The following RADIL variants were observed in gnomAD, a reference collection of about 807,000 sequenced individuals.
RADIL encodes the protein ras-associating and dilute domain-containing protein.
RADIL carries 99 observed loss-of-function variants against 97.6 expected under a neutral mutation model. That is an observed-to-expected ratio of 1.01 (90% CI 0.86 to 1.20). The LOEUF is 1.20. Among genes scored for constraint, RADIL ranks in the 50% most tolerant of loss-of-function variants. The probability of loss-of-function intolerance (pLI) is 0.00; values close to 1 mark genes in which losing one functional copy is unlikely to be tolerated. For synonymous variants in RADIL, 803 were observed against 691.8 expected, an observed-to-expected ratio of 1.16 and a Z score of -2.52; for missense variants, 1,765 against 1,498.9, an observed-to-expected ratio of 1.18 and a Z score of -2.93.
chr7:4,868,584 G>A (rs117427609), intron 2 of RADIL, among the ~76,000 whole-genome samples: 248 of 152,300 alleles, frequency 1.6e-3, no homozygotes, highest in South Asian at 3.7e-3. Flanking sequence ...CCTTCCTCCA[G>A]CTGCAAACTT....
intron 9 of RADIL, among the ~76,000 whole-genome samples, chr7:4,807,145 C>T (rs151298682): frequency 1.1e-4 from 17 of 152,196 alleles, no homozygotes; most frequent in African/African-American, 3.9e-4. Flanking sequence ...TTTGCCTCCT[C>T]GCTCTGTTTC....
In RADIL at chr7:4,813,999, C is replaced by G. The variant is rs1444092928; in HGVS notation, c.2139+1279G>C. On this transcript the variant is annotated intron_variant, in intron 9 of 14. Coordinates refer to ENST00000399583, the MANE Select transcript of RADIL (RefSeq NM_018059.5). The surrounding 1 kb of genome is among the most constrained non-coding windows in gnomAD (Gnocchi z 5.0). ...CTCGCTGTGTTGCCCAGGCTGGTCTCAAACCAATGGCCTCAAGTGATCCTC... is the reference window on the plus strand; with the variant it reads ...CTCGCTGTGTTGCCCAGGCTGGTCTGAAACCAATGGCCTCAAGTGATCCTC... Among the ~76,000 whole-genome samples the G allele has an allele frequency of 6.6e-6, 1 of 152,096 alleles. No individual in the cohort carries two copies. Among genetic ancestry groups the G allele is most frequent in the African/African-American group, 2.4e-5 (1 of 41,424 alleles).
chr7:4,848,668 C>A (rs192596050), intron 2 of RADIL, among the ~76,000 whole-genome samples: 19 of 151,966 alleles, frequency 1.3e-4, no homozygotes, highest in Admixed American at 3.3e-4. Flanking sequence ...AAAGGTAAAC[C>A]CTGATTATTA....
At position 4,822,379 on chromosome 7, in the gene RADIL, C is replaced by T. The variant is rs1323279529; in HGVS notation, c.1615+15G>A. ...GGGTGCTGGCGGGGGGAATGGAGGG[C>T]AGCGCCAGCCGTACCTGTGATGTCC... On this transcript the variant is annotated intron_variant, in intron 6 of 14. Coordinates refer to ENST00000399583, the MANE Select transcript of RADIL (RefSeq NM_018059.5). This position sits in a 1 kb window ranked among gnomAD's most constrained non-coding sequence, Gnocchi z 5.3. 6.3e-7 allele frequency: 1 copy of T among 1,599,668 alleles called. No individual in the cohort carries two copies. The highest frequency in any genetic ancestry group is 1.1e-5 in the South Asian group (1 of 89,472).
Position 4,824,842 on chromosome 7 carries a change from T to C in RADIL, c.1455-2288A>G, listed in dbSNP as rs1380627910. The stretch of plus-strand genomic sequence containing the variant: ...CTGGGCTCTTCGGAGACTAATTCCA[T>C]CTTGTTTTCAAAATTTGCTGCCCTT... On this transcript the variant is annotated intron_variant, in intron 5 of 14. Coordinates refer to ENST00000399583, the MANE Select transcript of RADIL (RefSeq NM_018059.5). This position sits in a 1 kb window ranked among gnomAD's most constrained non-coding sequence, Gnocchi z 6.7. 6.6e-6 allele frequency among the ~76,000 whole-genome samples: 1 copy of C among 152,190 alleles called. No individual in the cohort carries two copies. Among genetic ancestry groups the C allele is most frequent in the African/African-American group, 2.4e-5 (1 of 41,442 alleles).
chr7:4,818,406 G>A lies in RADIL; in HGVS notation c.1616-1055C>T, dbSNP rs1782735988. Among the ~76,000 whole-genome samples the A allele has an allele frequency of 6.6e-6, 1 of 152,230 alleles. No homozygotes were observed. Among genetic ancestry groups the A allele is most frequent in the South Asian group, 2.1e-4 (1 of 4,832 alleles). ...TCACTTTCGCTCTGCCGCTCCTGGT[G>A]CTCCTCCTTCAGGGGCTTGGGGCTG... On this transcript the variant is annotated intron_variant, in intron 6 of 14. Coordinates refer to ENST00000399583, the MANE Select transcript of RADIL (RefSeq NM_018059.5). This position sits in a 1 kb window ranked among gnomAD's most constrained non-coding sequence, Gnocchi z 7.1.
chr7:4,834,555 CT>C lies in RADIL; in HGVS notation c.1416+51del. 1 of 1,297,534 alleles carries C rather than the reference CT, an allele frequency of 7.7e-7. No homozygotes were observed. The highest frequency in any genetic ancestry group is 3.3e-5 in the South Asian group (1 of 30,426). 80.4% of individuals were successfully genotyped at this position (1,297,534 alleles called of 1,614,324 possible). The stretch of plus-strand genomic sequence containing the variant: ...CCAGCCGGGGCCAGCTCCGGGCCCC[CT>C]CTTCCCCCAGACCGGCACAGGACCC... On this transcript the variant is annotated intron_variant, in intron 4 of 14. Coordinates refer to ENST00000399583, the MANE Select transcript of RADIL (RefSeq NM_018059.5). The surrounding 1 kb of genome is among the most constrained non-coding windows in gnomAD (Gnocchi z 6.0).
rs1485795843 is a variant in RADIL at position 4,803,695 on chromosome 7, G to A, written c.2350C>T (p.Gln784Ter). 6.4e-7 allele frequency: 1 copy of A among 1,564,376 alleles called. No homozygotes were observed. The highest frequency in any genetic ancestry group is 8.7e-7 in the Non-Finnish European group (1 of 1,155,184). ...AGGCAGTTGGCTTCCAAGTCCACCT[G>A]GAAGCCGTCGCTGGGCAGGACGATG... ...PPIVLPSDGF[Q>*]VDLEANCLDD... Residue 784 changes from glutamine to a stop codon, truncating the protein, a stop_gained, in exon 11 of 15, where the codon CAG (glutamine) becomes TAG (stop). Transcript: ENST00000399583. LOFTEE classifies it high-confidence loss of function.
chr7:4,861,841 C>T (rs1322127314), intron 2 of RADIL: 1 of 1,397,680 alleles, frequency 7.2e-7, no homozygotes, highest in Admixed American at 3.2e-5. Flanking sequence ...AGGGCACGTC[C>T]CCCACCACCG....
rs185568643 is a variant in RADIL at position 4,873,599 on chromosome 7, G to A, written c.535+4006C>T. 2.3e-3 allele frequency among the ~76,000 whole-genome samples: 344 copies of A among 152,286 alleles called. No individual in the cohort carries two copies. Among genetic ancestry groups the A allele is most frequent in the Non-Finnish European group, 4.2e-3 (288 of 68,024 alleles). On this transcript the variant is annotated intron_variant, in intron 2 of 14. Transcript: ENST00000399583. This position sits in a 1 kb window ranked among gnomAD's most constrained non-coding sequence, Gnocchi z 4.3. ...GGGGCAGATGTGATCCTGCCATCCC[G>A]CCGTCCTTTTGAAACTACACCACCC...
Position 4,800,302 on chromosome 7 carries a change from C to A in RADIL, c.2851G>T (p.Ala951Ser). Reference protein sequence around the residue: ...LRGAAPEGDSAALAEESPPAP... With the variant: ...LRGAAPEGDSSALAEESPPAP... ...GGAGGGGACTCCTCCGCAAGGGCTGCAGAGTCTCCTGGGTGGGGGCCAGGA... is the reference window on the plus strand; with the variant it reads ...GGAGGGGACTCCTCCGCAAGGGCTGAAGAGTCTCCTGGGTGGGGGCCAGGA... The change falls in exon 13 of 15, where the codon GCA becomes TCA. Residue 951 changes from alanine to serine, a missense_variant. Physicochemically the swap from Ala to Ser is moderately conservative, Grantham distance 99. Transcript: ENST00000399583. The A allele has an allele frequency of 6.8e-7, 1 of 1,471,984 alleles. No individual in the cohort carries two copies. The highest frequency in any genetic ancestry group is 9.0e-7 in the Non-Finnish European group (1 of 1,112,674). The allele number at this position is 1,471,984 out of a possible 1,614,324, so 91.2% of individuals were successfully genotyped here.
At chr7:4,823,253 C>T (rs1782883315) in intron 5 of RADIL, among the ~76,000 whole-genome samples, 2 of 151,262 alleles carry the variant, frequency 1.3e-5, no homozygotes, top group Non-Finnish European at 1.5e-5. Context: ...GTCAGGAGTT[C>T]GAGACCAGCC....
chr7:4,860,202 G>A, intron 2 of RADIL: 1 of 1,613,956 alleles, frequency 6.2e-7, no homozygotes, highest in Non-Finnish European at 8.5e-7. Flanking sequence ...GTAGATGAAG[G>A]CACAGACATG....
In RADIL at chr7:4,821,390, T is replaced by C. The variant is rs1002991; in HGVS notation, c.1615+1004A>G. On this transcript the variant is annotated intron_variant, in intron 6 of 14. Transcript: ENST00000399583. The surrounding 1 kb of genome is among the most constrained non-coding windows in gnomAD (Gnocchi z 5.2). Reference sequence around the variant, plus strand: ...CTTCCGCAGCACAGCAGCACAGTCCTGCTGCCCCGTCTGGCTCCATTCCAG... The same window carrying C: ...CTTCCGCAGCACAGCAGCACAGTCCCGCTGCCCCGTCTGGCTCCATTCCAG... Among the ~76,000 whole-genome samples the C allele has an allele frequency of 0.14, 21,251 of 152,228 alleles. 1,603 individuals carry two copies. Among genetic ancestry groups the C allele is most frequent in the South Asian group, 0.25 (1,182 of 4,824 alleles).
intron 2 of RADIL, chr7:4,861,876 T>A: frequency 1.8e-4 from 94 of 536,680 alleles, no homozygotes; most frequent in Non-Finnish European, 2.1e-4. Context: ...GCCGCCCGGG[T>A]CATGATCCGC....
chr7:4,838,506 C>T (rs1296556638), intron 2 of RADIL, among the ~76,000 whole-genome samples: 4 of 152,134 alleles, frequency 2.6e-5, no homozygotes, highest in Admixed American at 1.3e-4. Flanking sequence ...TCCCCTGGGG[C>T]TGCAGCCCCA....
chr7:4,866,909 A>G (rs968152011), intron 2 of RADIL, among the ~76,000 whole-genome samples: 1 of 152,210 alleles, frequency 6.6e-6, no homozygotes, highest in Non-Finnish European at 1.5e-5. Context: ...TCGTTCTGGC[A>G]AGACCAGATC....
At chr7:4,851,134 G>A (rs1025457378) in intron 2 of RADIL, among the ~76,000 whole-genome samples, 2 of 151,874 alleles carry the variant, frequency 1.3e-5, no homozygotes, top group Admixed American at 6.6e-5. Flanking sequence ...GAATGTGGGA[G>A]GTGGAAGTTG....
At position 4,799,705 on chromosome 7, in the gene RADIL, GC is replaced by G; in HGVS notation, c.3046del (p.Ala1016ProfsTer14). The G allele has an allele frequency of 6.4e-7, 1 of 1,573,490 alleles. No individual in the cohort carries two copies. Among genetic ancestry groups the G allele is most frequent in the Non-Finnish European group, 8.6e-7 (1 of 1,161,734 alleles). ...GTCCCCCAGCGACAGGCGCCCGTCG[GC>G]CGCTGCGGGGCTGCCCGGGAGCAGG... is the stretch of plus-strand genomic sequence containing the variant. ...QTLLPGSPAA[A>X]DGRLSLGDRI... is the part of the protein sequence containing the mutation. On this transcript the variant is annotated frameshift_variant, in exon 14 of 15. Coordinates refer to ENST00000399583, the MANE Select transcript of RADIL (RefSeq NM_018059.5). LOFTEE classifies it high-confidence loss of function.
Sources: gnomAD v4.1 joint callset for allele counts (sites outside exome capture counted in the v4.1 genomes callset) on GRCh38, gnomAD v4.1.1 for gene constraint, Gnocchi (gnomAD v3.1) non-coding constraint, MANE v1.5 for transcripts, NCBI Gene and HGNC (gene_info 2026-07-23, HGNC 2026-07-21) for gene names.